Variants in MEOX2 observed in about 807,000 individuals in gnomAD.
MEOX2 encodes the protein homeobox protein MOX-2.
Under a neutral mutation model 27.0 loss-of-function variants are expected in MEOX2, and 11 were observed. The ratio of observed to expected loss-of-function variants is 0.41; its 90% confidence interval spans 0.26 to 0.68. The LOEUF (loss-of-function observed/expected upper bound fraction) is 0.68. Ranked by LOEUF, MEOX2 falls within the 30% of genes least tolerant of loss-of-function variation. The pLI is 0.33. For synonymous variants in MEOX2, 189 were observed against 155.4 expected, an observed-to-expected ratio of 1.22 and a Z score of -1.61; for missense variants, 436 against 385.4, an observed-to-expected ratio of 1.13 and a Z score of -1.10.
intron 2 of MEOX2, among the ~76,000 whole-genome samples, chr7:15,622,100 G>C (rs185145382): frequency 4.8e-4 from 73 of 152,258 alleles, no homozygotes; most frequent in Non-Finnish European, 7.5e-4. Context: ...CTTGGTGACA[G>C]AGCGAGACTC....
At chr7:15,631,246 A>T (rs1209013452) in intron 1 of MEOX2, among the ~76,000 whole-genome samples, 1 of 151,534 alleles carries the variant, frequency 6.6e-6, no homozygotes, top group Non-Finnish European at 1.5e-5. Flanking sequence ...AAAAAAAATC[A>T]TTGTACCTGC....
intron 1 of MEOX2, among the ~76,000 whole-genome samples, chr7:15,636,071 G>A (rs1039505374): frequency 6.6e-6 from 1 of 151,922 alleles, no homozygotes; most frequent in African/African-American, 2.4e-5. Context: ...TAGGAAGATA[G>A]GAGTCACATT....
chr7:15,629,857 A>G (rs531755778), intron 1 of MEOX2, among the ~76,000 whole-genome samples: 1 of 152,132 alleles, frequency 6.6e-6, no homozygotes, highest in East Asian at 1.9e-4. Flanking sequence ...TTTCTTTGGT[A>G]GAAAATGGAT....
intron 1 of MEOX2, among the ~76,000 whole-genome samples, chr7:15,673,825 C>T (rs1485246592): frequency 6.6e-6 from 1 of 152,058 alleles, no homozygotes; most frequent in African/African-American, 2.4e-5. Flanking sequence ...CTGTAGAAAA[C>T]TTGAATGTAG....
intron 1 of MEOX2, among the ~76,000 whole-genome samples, chr7:15,662,198 C>T (rs1324009892): frequency 6.6e-6 from 1 of 151,532 alleles, no homozygotes; most frequent in East Asian, 1.9e-4. Flanking sequence ...AAAATAAAAT[C>T]AGTCAAAGTC....
intron 1 of MEOX2, among the ~76,000 whole-genome samples, chr7:15,660,807 AG>A (rs1287196016): frequency 6.6e-6 from 1 of 151,990 alleles, no homozygotes; most frequent in African/African-American, 2.4e-5. Context: ...AGATCACCTG[AG>A]GTCAGGAGTT....
At chr7:15,619,116 A>G (rs1781173591) in intron 2 of MEOX2, among the ~76,000 whole-genome samples, 1 of 152,046 alleles carries the variant, frequency 6.6e-6, no homozygotes, top group Admixed American at 6.6e-5. Context: ...GTCACAGAAC[A>G]TATGTATGTA....
chr7:15,673,863 A>T (rs1036869227), intron 1 of MEOX2, among the ~76,000 whole-genome samples: 2 of 152,134 alleles, frequency 1.3e-5, no homozygotes, highest in African/African-American at 4.8e-5. Flanking sequence ...AGATATTCAC[A>T]TTAGAAAATA....
rs1184917195 is a variant in MEOX2 at position 15,612,628 on chromosome 7, G to A, written c.691-17C>T. On this transcript the variant is annotated splice_polypyrimidine_tract_variant and intron_variant, in intron 2 of 2. Transcript: ENST00000262041. ...GACTTTCACCTTCAACCAAGAAAGG[G>A]AACAAACAAACAGAAAAAAAGAGAT... 1 of 1,604,338 alleles carries A rather than the reference G, an allele frequency of 6.2e-7. No homozygotes were observed. The highest frequency in any genetic ancestry group is 8.5e-7 in the Non-Finnish European group (1 of 1,171,428).
At chr7:15,677,977 T>C (rs747162319) in intron 1 of MEOX2, among the ~76,000 whole-genome samples, 14 of 152,194 alleles carry the variant, frequency 9.2e-5, no homozygotes, top group Non-Finnish European at 1.8e-4. Context: ...CAAAGAATAG[T>C]TCTGGAGGAA....
At chr7:15,650,707 G>A (rs370151483) in intron 1 of MEOX2, among the ~76,000 whole-genome samples, 2 of 146,426 alleles carry the variant, frequency 1.4e-5, no homozygotes, top group East Asian at 1.9e-4. Context: ...GAGTTTTTTT[G>A]GGGGGGAGAC....
rs545741824 is a variant in MEOX2 at position 15,612,547 on chromosome 7, G to A, written c.755C>T (p.Ala252Val). ...CACCAGTTCCTTTTCCCGAGCCGCA[G>A]CTCCTTGCTGTCCACCCTTTACCCT... ...WKRVKGGQQG[A>V]AAREKELVNV... The change falls in exon 3 of 3, where the codon GCT becomes GTT. Residue 252 changes from alanine to valine, a missense_variant. Physicochemically the swap from Ala to Val is moderately conservative, Grantham distance 64. Transcript: ENST00000262041. 3 of 1,614,136 alleles carry A rather than the reference G, an allele frequency of 1.9e-6. No individual in the cohort carries two copies. In the South Asian group the frequency reaches 3.3e-5, roughly 18 times the overall value.
intron 2 of MEOX2, among the ~76,000 whole-genome samples, chr7:15,621,042 C>G (rs1302082447): frequency 2.6e-5 from 4 of 152,132 alleles, no homozygotes; most frequent in African/African-American, 7.2e-5. Context: ...GGAGTTTTCT[C>G]CAAGTTTATC....
chr7:15,682,977 C>G (rs905663628), intron 1 of MEOX2, among the ~76,000 whole-genome samples: 3 of 151,884 alleles, frequency 2.0e-5, no homozygotes, highest in Non-Finnish European at 4.4e-5. Flanking sequence ...AATAAACTTA[C>G]ATAAAGGAAG....
chr7:15,648,270 A>T (rs1221766160), intron 1 of MEOX2, among the ~76,000 whole-genome samples: 1 of 152,162 alleles, frequency 6.6e-6, no homozygotes, highest in East Asian at 1.9e-4. Context: ...GTAAAACTGA[A>T]TGAGCATTAT....
chr7:15,684,044 G>A (rs1248608658), intron 1 of MEOX2, among the ~76,000 whole-genome samples: 2 of 152,026 alleles, frequency 1.3e-5, no homozygotes, highest in Non-Finnish European at 2.9e-5. Context: ...ATAAATTAAG[G>A]GAATCAGTTA....
Position 15,672,621 on chromosome 7 carries a change from G to A in MEOX2, c.517+13265C>T, listed in dbSNP as rs141597727. Among the ~76,000 whole-genome samples, 448 of 152,138 alleles carry A rather than the reference G, an allele frequency of 2.9e-3. 1 individual carries two copies. Among genetic ancestry groups the A allele is most frequent in the African/African-American group, 2.6e-3 (106 of 41,506 alleles). On this transcript the variant is annotated intron_variant, in intron 1 of 2. Coordinates refer to ENST00000262041, the MANE Select transcript of MEOX2 (RefSeq NM_005924.5). ...TATCCGTAAATATTGGGCAGGTCGC[G>A]GTGGCTCACACCCATAATCCCAACA...
At chr7:15,613,395 C>CAA (rs11370680) in intron 2 of MEOX2, among the ~76,000 whole-genome samples, 2,543 of 149,038 alleles carry the variant, frequency 0.017, 45 homozygotes, top group Non-Finnish European at 0.026. Flanking sequence ...GTATTAAAAA[C>CAA]AAAAAAAACA....
chr7:15,667,267 G>A (rs1399727024), intron 1 of MEOX2, among the ~76,000 whole-genome samples: 3 of 108,116 alleles, frequency 2.8e-5, no homozygotes, highest in Non-Finnish European at 5.2e-5. Flanking sequence ...CTCCAGCCTG[G>A]CAACAGAGTG....
Sources: allele counts gnomAD v4.1 joint callset (sites outside exome capture counted in the v4.1 genomes callset), GRCh38; gene constraint gnomAD v4.1.1; transcripts MANE v1.5; gene names NCBI Gene and HGNC (gene_info 2026-07-23, HGNC 2026-07-21).